GABRB2: variants seen among roughly 807,000 people sequenced by gnomAD.
The protein encoded by GABRB2 is gamma-aminobutyric acid receptor subunit beta-2.
GABRB2 carries 16 observed loss-of-function variants against 54.7 expected under a neutral mutation model. The ratio of observed to expected loss-of-function variants is 0.29; its 90% CI spans 0.20 to 0.44. GABRB2 has a LOEUF of 0.44. Among genes scored for constraint, GABRB2 ranks in the 20% least tolerant of loss-of-function variants. The probability of loss-of-function intolerance (pLI) is 1.00; values close to 1 mark genes in which losing one functional copy is unlikely to be tolerated. For missense variants in GABRB2, 355 were observed against 644.0 expected, an observed-to-expected ratio of 0.55 and a Z score of 4.86; for synonymous variants, 244 against 233.8, an observed-to-expected ratio of 1.04 and a Z score of -0.40.
rs144974659 is a variant in GABRB2, at chr5:161,463,193, T to C, written c.238-3349A>G. ...AATAAAACCACAACTACCTGATGACTATGCAAAGTAGAAAGACTGAGGAAA... is the reference window on the plus strand; with the variant it reads ...AATAAAACCACAACTACCTGATGACCATGCAAAGTAGAAAGACTGAGGAAA... On this transcript the variant is annotated intron_variant, in intron 3 of 9. Coordinates refer to ENST00000393959, the MANE Select transcript of GABRB2 (RefSeq NM_001371727.1). Among the ~76,000 whole-genome samples the C allele has an allele frequency of 1.2e-4, 18 of 152,028 alleles. No individual in the cohort carries two copies. The East Asian group carries it at 1.9e-3, about 16-fold the overall frequency.
At chr5:161,415,979 T>C (rs1756654513) in intron 4 of GABRB2, among the ~76,000 whole-genome samples, 1 of 146,556 alleles carries the variant, frequency 6.8e-6, no homozygotes, top group Non-Finnish European at 1.5e-5. Context: ...CACTCTGTCA[T>C]CCATGCTGGA....
At chr5:161,374,967 T>C (rs1465764063) in intron 5 of GABRB2, among the ~76,000 whole-genome samples, 1 of 152,186 alleles carries the variant, frequency 6.6e-6, no homozygotes, top group Non-Finnish European at 1.5e-5. Context: ...AATAAATAAA[T>C]ATTCCTGCTA....
rs566079718 is a variant in GABRB2 at position 161,477,976 on chromosome 5, A to G, written c.238-18132T>C. Among the ~76,000 whole-genome samples the G allele has an allele frequency of 2.0e-5, 3 of 152,184 alleles. No homozygotes were observed. In the South Asian group the frequency reaches 6.2e-4, roughly 32 times the overall value. ...ATTCGTTAATTACAGCTTTGTGTAT[A>G]GTAAACACAAAATCATTTTGCAAAG... is the stretch of plus-strand genomic sequence containing the variant. On this transcript the variant is annotated intron_variant, in intron 3 of 9. Transcript: ENST00000393959.
At chr5:161,497,442 C>T (rs1021930312) in intron 3 of GABRB2, among the ~76,000 whole-genome samples, 1 of 151,912 alleles carries the variant, frequency 6.6e-6, no homozygotes, top group Non-Finnish European at 1.5e-5. Context: ...CTAATCTGAA[C>T]TCAGGAGAGT....
chr5:161,332,758 GAC>G (rs1461561932), intron 7 of GABRB2, among the ~76,000 whole-genome samples: 2 of 151,952 alleles, frequency 1.3e-5, no homozygotes, highest in African/African-American at 4.8e-5. Context: ...ATTTTGGGGG[GAC>G]ACAGTTTTCT....
At chr5:161,434,930 A>T (rs549785073) in intron 4 of GABRB2, among the ~76,000 whole-genome samples, 5 of 152,158 alleles carry the variant, frequency 3.3e-5, no homozygotes, top group Non-Finnish European at 5.9e-5. Context: ...CCATATTGCG[A>T]CTCTGGTTTG....
At chr5:161,352,759 T>TG (rs1393553780) in intron 5 of GABRB2, among the ~76,000 whole-genome samples, 2 of 152,078 alleles carry the variant, frequency 1.3e-5, no homozygotes, top group Non-Finnish European at 2.9e-5. Flanking sequence ...AGATTGAGCT[T>TG]GTCTATTCTA....
intron 9 of GABRB2, among the ~76,000 whole-genome samples, chr5:161,314,778 C>A: frequency 6.6e-6 from 1 of 151,982 alleles, no homozygotes; most frequent in East Asian, 1.9e-4. Context: ...AGTCCATAAT[C>A]TTTCCAGAAT....
chr5:161,455,264 GC>G (rs1757916591), intron 4 of GABRB2, among the ~76,000 whole-genome samples: 1 of 152,090 alleles, frequency 6.6e-6, no homozygotes, highest in African/African-American at 2.4e-5. Context: ...TGGCTGACGA[GC>G]TTTGAGCACC....
intron 5 of GABRB2, among the ~76,000 whole-genome samples, chr5:161,386,116 C>T (rs1376587640): frequency 6.6e-6 from 1 of 152,062 alleles, no homozygotes; most frequent in Non-Finnish European, 1.5e-5. Context: ...ATGCAATGGA[C>T]CCAGTCATCA....
At chr5:161,310,016 C>T (rs1158191035) in intron 9 of GABRB2, among the ~76,000 whole-genome samples, 1 of 152,192 alleles carries the variant, frequency 6.6e-6, no homozygotes, top group Non-Finnish European at 1.5e-5. Context: ...TTTGCAGGGA[C>T]ATGGATGGAG....
intron 4 of GABRB2, among the ~76,000 whole-genome samples, chr5:161,430,648 G>T (rs1343240708): frequency 1.3e-5 from 2 of 152,110 alleles, no homozygotes; most frequent in African/African-American, 4.8e-5. Context: ...GACTGACAGG[G>T]TCATGAAACT....
intron 9 of GABRB2, among the ~76,000 whole-genome samples, chr5:161,312,961 T>G (rs1464768942): frequency 6.6e-6 from 1 of 152,198 alleles, no homozygotes; most frequent in Non-Finnish European, 1.5e-5. Context: ...GCAGTCCAGA[T>G]AGTGGAAGTG....
chr5:161,483,095 T>A (rs2962406), intron 3 of GABRB2, among the ~76,000 whole-genome samples: 107,838 of 151,928 alleles, frequency 0.71, 38,438 homozygotes, highest in South Asian at 0.82. Flanking sequence ...AATTTCTTAA[T>A]CTTGTGTAAC....
At chr5:161,323,991 T>A (rs1301953994) in intron 9 of GABRB2, among the ~76,000 whole-genome samples, 1 of 152,198 alleles carries the variant, frequency 6.6e-6, no homozygotes, top group South Asian at 2.1e-4. Context: ...AGCAATGTGA[T>A]GTTTATTTTA....
At chr5:161,498,261 C>T (rs776587063) in intron 3 of GABRB2, among the ~76,000 whole-genome samples, 4 of 151,962 alleles carry the variant, frequency 2.6e-5, no homozygotes, top group Admixed American at 1.3e-4. Flanking sequence ...GTATGTGTCA[C>T]GTAATGCTTC....
chr5:161,425,629 A>T (rs934609698), intron 4 of GABRB2, among the ~76,000 whole-genome samples: 2 of 152,102 alleles, frequency 1.3e-5, no homozygotes, highest in Non-Finnish European at 2.9e-5. Context: ...GATTCACTTT[A>T]TTGTGATATT....
intron 4 of GABRB2, among the ~76,000 whole-genome samples, chr5:161,421,377 T>C (rs1756845371): frequency 6.6e-6 from 1 of 152,146 alleles, no homozygotes; most frequent in Non-Finnish European, 1.5e-5. Context: ...GACTTTTATA[T>C]CCTCTCTTTC....
intron 3 of GABRB2, among the ~76,000 whole-genome samples, chr5:161,463,362 T>C (rs982820250): frequency 6.8e-6 from 1 of 147,274 alleles, no homozygotes; most frequent in African/African-American, 2.5e-5. Context: ...CAGCCAAAAG[T>C]ATAAAGACCT....
Sources: allele counts gnomAD v4.1 joint callset (sites outside exome capture counted in the v4.1 genomes callset), GRCh38; gene constraint gnomAD v4.1.1; transcripts MANE v1.5; gene names NCBI Gene and HGNC (gene_info 2026-07-23, HGNC 2026-07-21).